The following DNAJC1 variants were observed in gnomAD, a reference collection of about 807,000 sequenced individuals.
DNAJC1 encodes the protein DnaJ heat shock protein family (Hsp40) member C1.
A neutral mutation model predicts 76.6 loss-of-function variants in DNAJC1; 58 were observed. The observed-to-expected ratio is 0.76, with a 90% CI of 0.61 to 0.94. The LOEUF is 0.94. DNAJC1 is among the 40% of genes least tolerant of loss of function. The pLI, the probability that DNAJC1 is intolerant of heterozygous loss-of-function variation, is 0.00. For missense variants in DNAJC1, 689 were observed against 677.3 expected, an observed-to-expected ratio of 1.02 and a Z score of -0.19; for synonymous variants, 258 against 267.9, an observed-to-expected ratio of 0.96 and a Z score of 0.36.
chr10:21,959,163 T>C (rs1837743411), intron 1 of DNAJC1, among the ~76,000 whole-genome samples: 1 of 152,056 alleles, frequency 6.6e-6, no homozygotes, highest in Non-Finnish European at 1.5e-5. Flanking sequence ...CTCGCTCGGT[T>C]ACCTAGGCTA....
Position 21,756,719 on chromosome 10 carries a change from G to A in DNAJC1, c.1633C>T (p.Leu545=). 1 of 1,613,796 alleles carries A rather than the reference G, an allele frequency of 6.2e-7. No individual in the cohort carries two copies. Among genetic ancestry groups the A allele is most frequent in the East Asian group, 2.2e-5 (1 of 44,888 alleles). Residue 545 remains leucine (L), a synonymous_variant, in exon 12 of 12, where the codon CTG becomes TTG. Coordinates refer to ENST00000376980, the MANE Select transcript of DNAJC1 (RefSeq NM_022365.4). ...TTAGCTTGTTTTTTCTTTTGGACCA[G>A]TTCAACCAGCAACTTGTACCTAGCG... ...CIARYKLLVE[L]VQKKKQAKS
chr10:21,784,272 C>A (rs890814618), intron 9 of DNAJC1, among the ~76,000 whole-genome samples: 1 of 152,136 alleles, frequency 6.6e-6, no homozygotes, highest in Non-Finnish European at 1.5e-5. Context: ...AAAGAAGACA[C>A]TTATGCAGCC....
chr10:21,902,433 T>C (rs1323967272), intron 7 of DNAJC1, among the ~76,000 whole-genome samples: 1 of 151,964 alleles, frequency 6.6e-6, no homozygotes, highest in Non-Finnish European at 1.5e-5. Context: ...GCCTCCCGAA[T>C]AGTGGGGATT....
At chr10:21,820,052 T>G (rs977783982) in intron 8 of DNAJC1, among the ~76,000 whole-genome samples, 1 of 152,254 alleles carries the variant, frequency 6.6e-6, no homozygotes, top group Non-Finnish European at 1.5e-5. Context: ...ATTTTCATCA[T>G]TCTGAATAGA....
At chr10:21,871,617 T>C (rs1836105977) in intron 8 of DNAJC1, among the ~76,000 whole-genome samples, 2 of 152,066 alleles carry the variant, frequency 1.3e-5, no homozygotes, top group African/African-American at 4.8e-5. Context: ...TAATTGCTGA[T>C]TTATAACATT....
rs148037652 is a variant in DNAJC1, at chr10:21,966,197, T to C, written c.222+37016A>G. Among the ~76,000 whole-genome samples, 170 of 152,314 alleles carry C rather than the reference T, an allele frequency of 1.1e-3. 1 individual carries two copies. Among genetic ancestry groups the C allele is most frequent in the Non-Finnish European group, 1.7e-3 (116 of 68,026 alleles). ...ATTGTACCCATCTCTGTGCATCCTA[T>C]TGGGGGTAAATATGCTGATATATGT... On this transcript the variant is annotated intron_variant, in intron 1 of 11. Coordinates refer to ENST00000376980, the MANE Select transcript of DNAJC1 (RefSeq NM_022365.4).
At chr10:21,841,335 T>A (rs1393089704) in intron 8 of DNAJC1, among the ~76,000 whole-genome samples, 1 of 151,716 alleles carries the variant, frequency 6.6e-6, no homozygotes, top group Non-Finnish European at 1.5e-5. Context: ...TGGGAGAAAA[T>A]TTTTGCAACC....
intron 8 of DNAJC1, among the ~76,000 whole-genome samples, chr10:21,843,432 C>A (rs1336726645): frequency 7.1e-6 from 1 of 141,316 alleles, no homozygotes; most frequent in Non-Finnish European, 1.5e-5. Context: ...CTCACTCTGT[C>A]GCCCAGGCTG....
At position 21,910,969 on chromosome 10, in the gene DNAJC1, A is replaced by AG. The variant is rs1284307142; in HGVS notation, c.730-6358dup. Among the ~76,000 whole-genome samples, 11 of 144,964 alleles carry AG rather than the reference A, an allele frequency of 7.6e-5. No homozygotes were observed. In the East Asian group the frequency reaches 1.6e-3, roughly 22 times the overall value. On this transcript the variant is annotated intron_variant, in intron 6 of 11. Coordinates refer to ENST00000376980, the MANE Select transcript of DNAJC1 (RefSeq NM_022365.4). ...ACAAAGAAGAGAGAGAGAAAGAAAG[A>AG]GGGGGGGAAGAGAGAAAGAGGGAGA...
At chr10:21,868,417 C>A (rs1836045235) in intron 8 of DNAJC1, among the ~76,000 whole-genome samples, 1 of 151,760 alleles carries the variant, frequency 6.6e-6, no homozygotes, top group African/African-American at 2.4e-5. Flanking sequence ...GCCACCATGC[C>A]CGGCCAAAAA....
intron 11 of DNAJC1, 40 bp from the exon 12 acceptor site, chr10:21,756,795 C>T: frequency 1.3e-6 from 2 of 1,592,248 alleles, no homozygotes; most frequent in Non-Finnish European, 8.6e-7. Flanking sequence ...CAGTCACTTG[C>T]ACAAGTCAGT....
At chr10:21,834,888 C>T (rs970589890) in intron 8 of DNAJC1, among the ~76,000 whole-genome samples, 6 of 152,222 alleles carry the variant, frequency 3.9e-5, no homozygotes, top group African/African-American at 1.4e-4. Flanking sequence ...TCTGTAGGCT[C>T]CACCTCTGGG....
intron 8 of DNAJC1, among the ~76,000 whole-genome samples, chr10:21,840,984 C>G (rs1216101190): frequency 2.6e-5 from 4 of 152,124 alleles, no homozygotes; most frequent in South Asian, 2.1e-4. Context: ...ACAAACCTGA[C>G]AAAAACAAGC....
intron 7 of DNAJC1, among the ~76,000 whole-genome samples, chr10:21,901,582 ATATT>A (rs1274637022): frequency 2.0e-5 from 3 of 152,174 alleles, no homozygotes; most frequent in African/African-American, 7.2e-5. Flanking sequence ...TCTCAGAAGG[ATATT>A]TATTTTTAAG....
chr10:21,888,676 T>C (rs1384412546), intron 7 of DNAJC1, among the ~76,000 whole-genome samples: 1 of 152,102 alleles, frequency 6.6e-6, no homozygotes, highest in Non-Finnish European at 1.5e-5. Flanking sequence ...AAACCAAGAA[T>C]AGAAAACCAA....
chr10:21,951,276 T>C (rs1330848419), intron 1 of DNAJC1, among the ~76,000 whole-genome samples: 3 of 151,374 alleles, frequency 2.0e-5, no homozygotes, highest in African/African-American at 7.3e-5. Flanking sequence ...GCTGAGATCA[T>C]GCCACTGCAC....
At chr10:21,915,053 T>C (rs955834532) in intron 6 of DNAJC1, among the ~76,000 whole-genome samples, 3 of 152,234 alleles carry the variant, frequency 2.0e-5, no homozygotes, top group African/African-American at 2.4e-5. Context: ...TAGTCCCTAG[T>C]AGTGCTTTGT....
At chr10:21,815,633 C>A (rs1378358836) in intron 8 of DNAJC1, among the ~76,000 whole-genome samples, 1 of 152,042 alleles carries the variant, frequency 6.6e-6, no homozygotes, top group Non-Finnish European at 1.5e-5. Context: ...AGAGCAGAAG[C>A]TTTTCATTTT....
chr10:21,896,012 C>A (rs1239406442), intron 7 of DNAJC1, among the ~76,000 whole-genome samples: 1 of 152,216 alleles, frequency 6.6e-6, no homozygotes, highest in Non-Finnish European at 1.5e-5. Flanking sequence ...GCTAACTCTG[C>A]AGGTGCACAG....
Sources: gnomAD v4.1 joint callset for allele counts (sites outside exome capture counted in the v4.1 genomes callset) on GRCh38, gnomAD v4.1.1 for gene constraint, MANE v1.5 for transcripts, NCBI Gene and HGNC (gene_info 2026-07-23, HGNC 2026-07-21) for gene names.